Variants in NMNAT2 observed in about 807,000 individuals in gnomAD.
NMNAT2 encodes nicotinamide nucleotide adenylyltransferase 2, also known as nicotinamide/nicotinic acid mononucleotide adenylyltransferase 2.
NMNAT2 carries 11 observed loss-of-function variants against 41.6 expected under a neutral mutation model. That is an observed-to-expected ratio of 0.26 (90% CI 0.17 to 0.44). NMNAT2 has a LOEUF of 0.44. Ranked by LOEUF, NMNAT2 falls within the 20% of genes least tolerant of loss-of-function variation. The pLI is 1.00. For synonymous variants in NMNAT2, 148 were observed against 151.2 expected (o/e 0.98, Z 0.16); for missense variants, 288 against 407.7 (o/e 0.71, Z 2.53).
intron 1 of NMNAT2, among the ~76,000 whole-genome samples, chr1:183,413,494 T>C (rs1013017306): frequency 1.3e-5 from 2 of 152,160 alleles, no homozygotes; most frequent in Non-Finnish European, 2.9e-5. Context: ...CAGGCTGGGG[T>C]ACTTGGAAAA....
rs369146499 is a variant in NMNAT2 at position 183,261,239 on chromosome 1, C to T, written c.716G>A (p.Arg239Gln). The T allele has an allele frequency of 6.2e-6, 10 of 1,614,042 alleles. No individual in the cohort carries two copies. Among genetic ancestry groups the T allele is most frequent in the African/African-American group, 2.7e-5 (2 of 74,916 alleles). Residue 239 changes from arginine (R) to glutamine (Q), a missense_variant, in exon 9 of 11, where the codon CGA becomes CAA. Transcript: ENST00000287713. Reference protein sequence around the residue: ...VVPRDAADTDRIMNHSSILRK... With the variant: ...VVPRDAADTDQIMNHSSILRK... ...GAGTATTGAGGAGTGATTCATGATT[C>T]GGTCTGTGTCGGCTGCATCCCGGGG...
chr1:183,400,240 A>G (rs1202498879), intron 1 of NMNAT2, among the ~76,000 whole-genome samples: 2 of 152,222 alleles, frequency 1.3e-5, no homozygotes, highest in Admixed American at 6.5e-5. Flanking sequence ...TCCATGTGCA[A>G]AAATCACAAG....
intron 1 of NMNAT2, among the ~76,000 whole-genome samples, chr1:183,318,856 G>A (rs1448000078): frequency 6.6e-6 from 1 of 152,156 alleles, no homozygotes; most frequent in East Asian, 1.9e-4. Flanking sequence ...AGCCAGCTAT[G>A]GATTTTTAAC....
At chr1:183,374,021 C>T (rs1194137187) in intron 1 of NMNAT2, among the ~76,000 whole-genome samples, 1 of 152,174 alleles carries the variant, frequency 6.6e-6, no homozygotes, top group East Asian at 1.9e-4. Flanking sequence ...TTTCATGTAA[C>T]TCTTATGCAA....
intron 8 of NMNAT2, among the ~76,000 whole-genome samples, chr1:183,271,537 G>A (rs1028744490): frequency 1.3e-5 from 2 of 151,942 alleles, no homozygotes; most frequent in African/African-American, 4.8e-5. Context: ...AGTGAATAAC[G>A]GCCAACATTT....
At chr1:183,357,272 C>T (rs1025188244) in intron 1 of NMNAT2, among the ~76,000 whole-genome samples, 2 of 145,900 alleles carry the variant, frequency 1.4e-5, no homozygotes, top group South Asian at 4.4e-4. Context: ...CTCTATCGCC[C>T]AGGCTGGAGT....
chr1:183,321,138 C>A (rs1662349124), intron 1 of NMNAT2, among the ~76,000 whole-genome samples: 1 of 152,202 alleles, frequency 6.6e-6, no homozygotes, highest in Admixed American at 6.5e-5. Flanking sequence ...CATGTGTGTG[C>A]TGAAGTGAAA....
At chr1:183,310,134 G>T (rs973030734) in intron 1 of NMNAT2, among the ~76,000 whole-genome samples, 2 of 152,294 alleles carry the variant, frequency 1.3e-5, no homozygotes, top group East Asian at 3.9e-4. Context: ...AGACTGCCTG[G>T]AATAGGTAAA....
chr1:183,326,694 A>C lies in NMNAT2; in HGVS notation c.86-32901T>G, dbSNP rs1490724246. 2.6e-5 allele frequency among the ~76,000 whole-genome samples: 4 copies of C among 152,186 alleles called. No homozygotes were observed. The East Asian group carries it at 7.7e-4, about 29-fold the overall frequency. On this transcript the variant is annotated intron_variant, in intron 1 of 10. Transcript: ENST00000287713. ...GGGATTTAAGAAAGAGAGTGACATG[A>C]TCTTACTCATGAAAAGCACCCTGGG... is the stretch of plus-strand genomic sequence containing the variant.
At chr1:183,404,530 T>C (rs3120798) in intron 1 of NMNAT2, among the ~76,000 whole-genome samples, 103,570 of 152,110 alleles carry the variant, frequency 0.68, 35,534 homozygotes, top group East Asian at 0.89. Flanking sequence ...AAGTGGAAAA[T>C]CACTGATATA....
intron 1 of NMNAT2, among the ~76,000 whole-genome samples, chr1:183,316,172 C>G (rs909895483): frequency 1.1e-4 from 16 of 152,144 alleles, no homozygotes; most frequent in African/African-American, 3.9e-4. Flanking sequence ...GGCCCAGAGT[C>G]CCCACTGACC....
intron 1 of NMNAT2, among the ~76,000 whole-genome samples, chr1:183,372,334 G>A (rs1223347137): frequency 6.6e-6 from 1 of 152,158 alleles, no homozygotes; most frequent in East Asian, 1.9e-4. Context: ...CAGAAGCAAT[G>A]ACTACAGAGA....
chr1:183,262,607 T>A (rs1296339684), intron 8 of NMNAT2, among the ~76,000 whole-genome samples: 1 of 152,244 alleles, frequency 6.6e-6, no homozygotes, highest in Non-Finnish European at 1.5e-5. Context: ...AAGATCTTTA[T>A]ACAAAAATCT....
At chr1:183,380,407 A>G (rs1338486379) in intron 1 of NMNAT2, among the ~76,000 whole-genome samples, 1 of 152,178 alleles carries the variant, frequency 6.6e-6, no homozygotes, top group African/African-American at 2.4e-5. Context: ...TTTGCATGCA[A>G]TAAAATGAAT....
chr1:183,360,739 C>T (rs1487438454), intron 1 of NMNAT2, among the ~76,000 whole-genome samples: 3 of 152,306 alleles, frequency 2.0e-5, no homozygotes, highest in East Asian at 1.9e-4. Flanking sequence ...GACTCCGGAC[C>T]GGAGGTTGCA....
rs989708485 is a variant in NMNAT2, at chr1:183,342,764, T to C, written c.86-48971A>G. On this transcript the variant is annotated intron_variant, in intron 1 of 10. Coordinates refer to ENST00000287713, the MANE Select transcript of NMNAT2 (RefSeq NM_015039.4). The stretch of plus-strand genomic sequence containing the variant: ...TTAATTTTTTTTTGAGACAGGGTCT[T>C]GCTCTGTCATCCAGGCTGGAGTGCA... 1.3e-5 allele frequency among the ~76,000 whole-genome samples: 2 copies of C among 152,210 alleles called. 1 individual carries two copies. The highest frequency in any genetic ancestry group is 4.2e-4 in the South Asian group (2 of 4,812).
intron 1 of NMNAT2, among the ~76,000 whole-genome samples, chr1:183,404,293 TTGGCCAGGC>T (rs1344785262): frequency 6.6e-6 from 1 of 152,162 alleles, no homozygotes; most frequent in Non-Finnish European, 1.5e-5. Flanking sequence ...TTTCACCATG[TTGGCCAGGC>T]TGGCCTTGAA....
At chr1:183,307,802 G>A (rs138432233) in intron 1 of NMNAT2, among the ~76,000 whole-genome samples, 5 of 152,232 alleles carry the variant, frequency 3.3e-5, no homozygotes, top group South Asian at 4.1e-4. Flanking sequence ...GTCTGGTCTC[G>A]AACTTCTGAC....
At chr1:183,413,942 A>T (rs1462621062) in intron 1 of NMNAT2, among the ~76,000 whole-genome samples, 1 of 152,158 alleles carries the variant, frequency 6.6e-6, no homozygotes, top group Non-Finnish European at 1.5e-5. Flanking sequence ...CGGCTGCCAT[A>T]AGTTTCCAAT....
Sources: allele counts gnomAD v4.1 joint callset (sites outside exome capture counted in the v4.1 genomes callset), GRCh38; gene constraint gnomAD v4.1.1; transcripts MANE v1.5; gene names NCBI Gene and HGNC (gene_info 2026-07-23, HGNC 2026-07-21).